The following KCNMB2 variants were observed in gnomAD, a reference collection of about 807,000 sequenced individuals.
The protein encoded by KCNMB2 is potassium calcium-activated channel subfamily M regulatory beta subunit 2, also known as calcium-activated potassium channel subunit beta-2.
Under a neutral mutation model 24.5 loss-of-function variants are expected in KCNMB2, and 9 were observed. The observed-to-expected ratio is 0.37, with a 90% confidence interval of 0.22 to 0.64. The LOEUF is 0.64. KCNMB2 is among the 30% of genes least tolerant of loss of function. The pLI, the probability that KCNMB2 is intolerant of heterozygous loss-of-function variation, is 0.63. For missense variants in KCNMB2, 226 were observed against 284.3 expected, an observed-to-expected ratio of 0.79 and a Z score of 1.47; for synonymous variants, 109 against 104.4, an observed-to-expected ratio of 1.04 and a Z score of -0.27.
chr3:178,754,849 CAG>C (rs1254219396), intron 1 of KCNMB2, among the ~76,000 whole-genome samples: 2 of 152,196 alleles, frequency 1.3e-5, no homozygotes, highest in Non-Finnish European at 2.9e-5. Context: ...GCTTTACAGA[CAG>C]CTTGTTTAGC....
intron 1 of KCNMB2, among the ~76,000 whole-genome samples, chr3:178,691,408 C>A (rs1344330228): frequency 1.3e-5 from 2 of 151,936 alleles, no homozygotes; most frequent in Admixed American, 1.3e-4. Flanking sequence ...CTTCTTCCCA[C>A]CCTCCAACCT....
At chr3:178,805,727 T>C (rs1713939568) in intron 1 of KCNMB2, among the ~76,000 whole-genome samples, 1 of 152,092 alleles carries the variant, frequency 6.6e-6, no homozygotes. Flanking sequence ...ACTCCCAGGC[T>C]AAAGCTATCC....
intron 1 of KCNMB2, among the ~76,000 whole-genome samples, chr3:178,803,559 C>T (rs1713852467): frequency 6.6e-6 from 1 of 152,144 alleles, no homozygotes; most frequent in Admixed American, 6.5e-5. Context: ...CAGTGTGTTA[C>T]TATGTGTCCT....
chr3:178,562,247 C>G (rs574168773), intron 1 of KCNMB2, among the ~76,000 whole-genome samples: 1 of 152,254 alleles, frequency 6.6e-6, no homozygotes, highest in South Asian at 2.1e-4. Context: ...TTTGGTTATG[C>G]AATCACTCAC....
At chr3:178,676,412 T>C (rs1360181616) in intron 1 of KCNMB2, among the ~76,000 whole-genome samples, 1 of 152,172 alleles carries the variant, frequency 6.6e-6, no homozygotes, top group Non-Finnish European at 1.5e-5. Context: ...GGGCTGGGAC[T>C]GTCAGGAGGG....
intron 1 of KCNMB2, among the ~76,000 whole-genome samples, chr3:178,756,491 T>A (rs1034600349): frequency 6.6e-6 from 1 of 152,168 alleles, no homozygotes; most frequent in Non-Finnish European, 1.5e-5. Context: ...ATATATATTT[T>A]CACAAATAAT....
intron 1 of KCNMB2, among the ~76,000 whole-genome samples, chr3:178,683,196 T>C (rs1721334398): frequency 6.6e-6 from 1 of 152,038 alleles, no homozygotes; most frequent in African/African-American, 2.4e-5. Flanking sequence ...CTAGAGACCA[T>C]TATCCTTAGA....
At chr3:178,730,288 A>C (rs1277546409) in intron 1 of KCNMB2, among the ~76,000 whole-genome samples, 1 of 152,202 alleles carries the variant, frequency 6.6e-6, no homozygotes, top group Admixed American at 6.5e-5. Flanking sequence ...TGCTTGTTAT[A>C]ATAACCTACT....
intron 1 of KCNMB2, among the ~76,000 whole-genome samples, chr3:178,780,045 G>GTT (rs1227616665): frequency 2.4e-4 from 22 of 93,144 alleles, no homozygotes; most frequent in African/African-American, 5.8e-4. Flanking sequence ...CCAATTAGTT[G>GTT]TTTTTTTTAA....
At chr3:178,821,123 C>T (rs75215429) in intron 2 of KCNMB2, among the ~76,000 whole-genome samples, 2,637 of 152,264 alleles carry the variant, frequency 0.017, 90 homozygotes, top group African/African-American at 0.061. Flanking sequence ...GTGAATTGTC[C>T]CTCATTCCAT....
intron 1 of KCNMB2, among the ~76,000 whole-genome samples, chr3:178,656,474 A>C (rs1720347071): frequency 6.6e-6 from 1 of 152,164 alleles, no homozygotes; most frequent in African/African-American, 2.4e-5. Context: ...CAACCAGCTA[A>C]AGAAATGCTG....
chr3:178,842,627 G>T (rs1364848681), intron 4 of KCNMB2, 26 bp from the exon 5 acceptor site: 1 of 1,503,350 alleles, frequency 6.7e-7, no homozygotes, highest in Admixed American at 1.7e-5. Flanking sequence ...GTATCTTCTA[G>T]TAACAGTTTA....
chr3:178,711,787 C>T (rs9290662), intron 1 of KCNMB2, among the ~76,000 whole-genome samples: 19,379 of 152,124 alleles, frequency 0.13, 1,997 homozygotes, highest in African/African-American at 0.28. Flanking sequence ...CCAGGCTTAA[C>T]GTAGTGCAGA....
At chr3:178,803,068 T>A (rs1011634127) in intron 1 of KCNMB2, among the ~76,000 whole-genome samples, 1 of 152,196 alleles carries the variant, frequency 6.6e-6, no homozygotes, top group Non-Finnish European at 1.5e-5. Flanking sequence ...TAAACACTTT[T>A]ACATGTATTG....
At chr3:178,810,856 T>C (rs1344102473) in intron 2 of KCNMB2, among the ~76,000 whole-genome samples, 1 of 149,416 alleles carries the variant, frequency 6.7e-6, no homozygotes, top group Non-Finnish European at 1.5e-5. Flanking sequence ...TGCCTCAGCC[T>C]CCCAAGTAGC....
At chr3:178,797,589 G>A (rs1713601203) in intron 1 of KCNMB2, among the ~76,000 whole-genome samples, 1 of 152,160 alleles carries the variant, frequency 6.6e-6, no homozygotes, top group Non-Finnish European at 1.5e-5. Flanking sequence ...ATCAATCAAT[G>A]TGATACATCG....
intron 1 of KCNMB2, among the ~76,000 whole-genome samples, chr3:178,646,053 A>G (rs1719912590): frequency 6.6e-6 from 1 of 152,120 alleles, no homozygotes; most frequent in Non-Finnish European, 1.5e-5. Flanking sequence ...ACCTGCATCC[A>G]TGGTTATCAA....
At chr3:178,571,070 T>C (rs1032803845) in intron 1 of KCNMB2, among the ~76,000 whole-genome samples, 1 of 152,200 alleles carries the variant, frequency 6.6e-6, no homozygotes, top group African/African-American at 2.4e-5. Flanking sequence ...TAATATTTTC[T>C]TCCACAAATT....
intron 1 of KCNMB2, among the ~76,000 whole-genome samples, chr3:178,707,042 A>G (rs1312246280): frequency 1.3e-5 from 2 of 152,174 alleles, no homozygotes; most frequent in East Asian, 3.8e-4. Flanking sequence ...AAAGAAAAAA[A>G]GTAAAGAATA....
Sources: gnomAD v4.1 joint callset for allele counts (sites outside exome capture counted in the v4.1 genomes callset) on GRCh38, gnomAD v4.1.1 for gene constraint, MANE v1.5 for transcripts, NCBI Gene and HGNC (gene_info 2026-07-23, HGNC 2026-07-21) for gene names.